The following ANK3 variants were observed in gnomAD, a reference collection of about 807,000 sequenced individuals.
ANK3 encodes ankyrin-3.
ANK3 carries 57 observed loss-of-function variants against 370.9 expected under a neutral mutation model. The observed-to-expected ratio is 0.15, with a 90% confidence interval of 0.12 to 0.19. The LOEUF (loss-of-function observed/expected upper bound fraction) is 0.19. Among genes scored for constraint, ANK3 ranks in the 10% least tolerant of loss-of-function variants. The probability of loss-of-function intolerance (pLI) is 1.00; values close to 1 mark genes in which losing one functional copy is unlikely to be tolerated. For synonymous variants in ANK3, 1,929 were observed against 1,946.3 expected, an observed-to-expected ratio of 0.99 and a Z score of 0.23; for missense variants, 4,439 against 5,302.1, an observed-to-expected ratio of 0.84 and a Z score of 5.06.
chr10:60,656,924 ATTG>A (rs1269393386), intron 1 of ANK3, among the ~76,000 whole-genome samples: 2 of 151,298 alleles, frequency 1.3e-5, no homozygotes, highest in Admixed American at 1.3e-4. Flanking sequence ...TGCCTGGCTA[ATTG>A]TTGTTGGTGG....
intron 16 of ANK3, among the ~76,000 whole-genome samples, chr10:60,191,558 T>C (rs1325397841): frequency 6.6e-6 from 1 of 152,130 alleles, no homozygotes; most frequent in African/African-American, 2.4e-5. Flanking sequence ...AAATGGCTAC[T>C]ATGAGAAGTC....
At chr10:60,045,129 T>C (rs1432039288) in intron 42 of ANK3, among the ~76,000 whole-genome samples, 1 of 152,236 alleles carries the variant, frequency 6.6e-6, no homozygotes, top group Non-Finnish European at 1.5e-5. Context: ...CTTTATTCTG[T>C]CATTTTTAAA....
intron 1 of ANK3, among the ~76,000 whole-genome samples, chr10:60,336,217 C>G (rs983807432): frequency 1.4e-4 from 21 of 151,982 alleles, no homozygotes; most frequent in African/African-American, 5.1e-4. Flanking sequence ...ATTGGAGGTC[C>G]TGGGGGCAAC....
rs75663765 is a variant in ANK3, at chr10:60,248,643, C to T, written c.798+13216G>A. 7.5e-3 allele frequency among the ~76,000 whole-genome samples: 1,138 copies of T among 152,246 alleles called. 21 individuals are homozygous for T. Among genetic ancestry groups the T allele is most frequent in the East Asian group, 0.017 (89 of 5,186 alleles). On this transcript the variant is annotated intron_variant, in intron 7 of 43. Coordinates refer to ENST00000280772, the MANE Select transcript of ANK3 (RefSeq NM_020987.5). ...ATGGGACCTCTACTTTGTGCAGGCT[C>T]TATGAAACATGCCTCATCTCATTTC...
chr10:60,292,088 G>A (rs2041534768), intron 1 of ANK3, among the ~76,000 whole-genome samples: 2 of 152,166 alleles, frequency 1.3e-5, no homozygotes, highest in Admixed American at 6.5e-5. Context: ...GACAGCATGA[G>A]TTTGCCTTTA....
chr10:60,506,853 T>A (rs1228606713), intron 2 of ANK3, among the ~76,000 whole-genome samples: 1 of 152,110 alleles, frequency 6.6e-6, no homozygotes, highest in Non-Finnish European at 1.5e-5. Flanking sequence ...AAATTTTTTT[T>A]AAAAGGACAT....
chr10:60,381,417 G>C (rs1275105629), intron 1 of ANK3, among the ~76,000 whole-genome samples: 1 of 152,108 alleles, frequency 6.6e-6, no homozygotes, highest in East Asian at 1.9e-4. Flanking sequence ...TGAGTCTTCA[G>C]GAGTATTTCT....
At chr10:60,147,659 G>A (rs1436946017) in intron 23 of ANK3, among the ~76,000 whole-genome samples, 2 of 152,102 alleles carry the variant, frequency 1.3e-5, no homozygotes, top group Admixed American at 1.3e-4. Context: ...GAGTGAGTGA[G>A]TTATCATGAG....
chr10:60,361,938 A>C (rs2058672945), intron 1 of ANK3, among the ~76,000 whole-genome samples: 1 of 152,224 alleles, frequency 6.6e-6, no homozygotes, highest in Non-Finnish European at 1.5e-5. Flanking sequence ...GGTTTCAAAA[A>C]TAAAACAATA....
At chr10:60,221,082 G>GC (rs2097046388) in intron 8 of ANK3, among the ~76,000 whole-genome samples, 2 of 118,944 alleles carry the variant, frequency 1.7e-5, no homozygotes, top group South Asian at 6.9e-4. Flanking sequence ...TGTTGATTTT[G>GC]CCTTTTTTTT....
intron 18 of ANK3, among the ~76,000 whole-genome samples, chr10:60,175,364 A>ATTG (rs1218149691): frequency 1.3e-5 from 2 of 152,234 alleles, no homozygotes; most frequent in Non-Finnish European, 2.9e-5. Flanking sequence ...CCTCGCATAA[A>ATTG]TACGCTCAGA....
At chr10:60,508,354 G>A (rs1192554091) in intron 2 of ANK3, 1 of 152,612 alleles carries the variant, frequency 6.6e-6, no homozygotes, top group Non-Finnish European at 1.5e-5. Flanking sequence ...CCGCTTTGCA[G>A]GGTAGAGATG....
chr10:60,673,429 C>A (rs946161312), intron 1 of ANK3, among the ~76,000 whole-genome samples: 1 of 152,094 alleles, frequency 6.6e-6, no homozygotes, highest in Non-Finnish European at 1.5e-5. Flanking sequence ...CGGCTCACTG[C>A]AACCTCTGCC....
intron 2 of ANK3, among the ~76,000 whole-genome samples, chr10:60,491,898 T>C (rs1030223609): frequency 5.3e-5 from 8 of 152,166 alleles, no homozygotes; most frequent in Non-Finnish European, 8.8e-5. Context: ...TATTTTTGCA[T>C]GGCTTAACAT....
Position 60,071,428 on chromosome 10 carries a change from A to G in ANK3, c.9453T>C (p.Asp3151=). The G allele has an allele frequency of 6.2e-7, 1 of 1,614,100 alleles. No homozygotes were observed. The highest frequency in any genetic ancestry group is 8.5e-7 in the Non-Finnish European group (1 of 1,179,998). The change falls in exon 37 of 44, where the codon GAT becomes GAC. Residue 3151 remains aspartate (D), a synonymous_variant. Transcript: ENST00000280772. ...PPSPQGSPED[D]TLEQVSFLDS... ...CTAGAAAGGATACTTGCTCTAGAGT[A>G]TCATCTTCTGGACTACCTTGGGGAG...
intron 1 of ANK3, among the ~76,000 whole-genome samples, chr10:60,632,903 C>CA (rs982027551): frequency 3.7e-3 from 297 of 81,150 alleles, no homozygotes; most frequent in African/African-American, 3.5e-3. Context: ...AAATAAAAAA[C>CA]AAAAAAAAAA....
chr10:60,444,668 G>T (rs1263676514), intron 2 of ANK3, among the ~76,000 whole-genome samples: 1 of 151,952 alleles, frequency 6.6e-6, no homozygotes, highest in African/African-American at 2.4e-5. Flanking sequence ...GCTAATTTTT[G>T]TCACTAGAGG....
At position 60,668,499 on chromosome 10, in the gene ANK3, G is replaced by A. The variant is rs137997903; in HGVS notation, c.58-53275C>T. 1.1e-4 allele frequency among the ~76,000 whole-genome samples: 16 copies of A among 146,816 alleles called. 1 individual carries two copies. Among genetic ancestry groups the A allele is most frequent in the African/African-American group, 3.8e-4 (14 of 36,408 alleles). On this transcript the variant is annotated intron_variant, in intron 1 of 43. Coordinates refer to the ANK3 transcript ENST00000373827. Reference sequence around the variant, plus strand: ...AGACTGTTTTCACATCATTGGCATCGGGGGTGGGCTTTTCTTGCTACCAGG... The same window carrying A: ...AGACTGTTTTCACATCATTGGCATCAGGGGTGGGCTTTTCTTGCTACCAGG...
rs570763283 is a variant in ANK3, at chr10:60,029,201, C to G, written c.*645G>C. 1.3e-5 allele frequency: 2 copies of G among 152,164 alleles called. No homozygotes were observed. Among genetic ancestry groups the G allele is most frequent in the Admixed American group, 1.3e-4 (2 of 15,268 alleles). 9.4% of individuals were successfully genotyped at this position (152,164 alleles called of 1,614,324 possible). On this transcript the variant is annotated 3_prime_UTR_variant, in exon 44 of 44. Coordinates refer to ENST00000280772, the MANE Select transcript of ANK3 (RefSeq NM_020987.5). The stretch of plus-strand genomic sequence containing the variant: ...ATACAAGAATCAGTGAAGAGTCACC[C>G]CCACCCAGAATCCCTCCCTCCTCTT...
Sources: allele counts gnomAD v4.1 joint callset (sites outside exome capture counted in the v4.1 genomes callset), GRCh38; gene constraint gnomAD v4.1.1; transcripts MANE v1.5; gene names NCBI Gene and HGNC (gene_info 2026-07-23, HGNC 2026-07-21).